The following L3MBTL4 variants were observed in gnomAD, a reference collection of about 807,000 sequenced individuals.
L3MBTL4 encodes L3MBTL histone methyl-lysine binding protein 4.
In L3MBTL4, 70 loss-of-function variants were observed where a neutral mutation model predicts 84.5. The observed-to-expected ratio is 0.83, with a 90% CI of 0.68 to 1.01. L3MBTL4 has a LOEUF of 1.01. L3MBTL4 is among the 50% of genes least tolerant of loss of function. The probability of loss-of-function intolerance (pLI) is 0.00; values close to 1 mark genes in which losing one functional copy is unlikely to be tolerated. For missense variants in L3MBTL4, 715 were observed against 754.8 expected (o/e 0.95, Z 0.62); for synonymous variants, 274 against 259.8 (o/e 1.05, Z -0.52).
At chr18:6,029,601 A>G in intron 16 of L3MBTL4, 1 of 985,386 alleles carries the variant, frequency 1.0e-6, no homozygotes, top group Non-Finnish European at 1.2e-6. Flanking sequence ...AAACTTCGTA[A>G]GAAGGACGCA....
chr18:6,207,357 C>T (rs887772614), intron 12 of L3MBTL4, among the ~76,000 whole-genome samples: 1 of 152,216 alleles, frequency 6.6e-6, no homozygotes, highest in African/African-American at 2.4e-5. Flanking sequence ...CACTTATAAG[C>T]TGTGCAACCT....
intron 16 of L3MBTL4, among the ~76,000 whole-genome samples, chr18:6,025,572 TA>T (rs2055463033): frequency 6.6e-6 from 1 of 152,222 alleles, no homozygotes; most frequent in Admixed American, 6.5e-5. Flanking sequence ...TATTGCTGAT[TA>T]GTTTCAGGAC....
chr18:6,376,834 T>G (rs2054390070), intron 1 of L3MBTL4, among the ~76,000 whole-genome samples: 1 of 152,218 alleles, frequency 6.6e-6, no homozygotes, highest in African/African-American at 2.4e-5. Context: ...GCTAATAGCT[T>G]ATCATATCTG....
chr18:6,209,707 G>C (rs1323031329), intron 12 of L3MBTL4, among the ~76,000 whole-genome samples: 1 of 152,050 alleles, frequency 6.6e-6, no homozygotes, highest in Admixed American at 6.6e-5. Flanking sequence ...GTTTATCCCA[G>C]CAATAATCAA....
intron 15 of L3MBTL4, among the ~76,000 whole-genome samples, chr18:6,091,540 C>A (rs9950842): frequency 0.038 from 5,764 of 152,252 alleles, 354 homozygotes; most frequent in African/African-American, 0.13. Flanking sequence ...CTAACATTCT[C>A]GACTCCTTCT....
At position 5,980,247 on chromosome 18, in the gene L3MBTL4, T is replaced by C. The variant is rs118147127; in HGVS notation, c.1445-10685A>G. On this transcript the variant is annotated intron_variant, in intron 16 of 18. Coordinates refer to ENST00000317931, the MANE Select transcript of L3MBTL4 (RefSeq NM_001330559.2). ...GTGCTCCCTGCACCCTGCAGACAGC[T>C]CTTCCTGCTTCTCAGCAGAAACTCT... Among the ~76,000 whole-genome samples, 78 of 152,292 alleles carry C rather than the reference T, an allele frequency of 5.1e-4. 1 individual carries two copies. In the East Asian group the frequency reaches 0.015, roughly 29 times the overall value.
intron 14 of L3MBTL4, among the ~76,000 whole-genome samples, chr18:6,106,366 A>G (rs572094852): frequency 1.2e-4 from 19 of 152,358 alleles, no homozygotes; most frequent in Admixed American, 2.0e-4. Context: ...GTGGTTGTAT[A>G]TGGAGAAGAA....
chr18:6,307,578 C>G (rs985433814), intron 3 of L3MBTL4, among the ~76,000 whole-genome samples: 2 of 152,148 alleles, frequency 1.3e-5, no homozygotes, highest in African/African-American at 4.8e-5. Context: ...ACTCAAGCTC[C>G]CGATGACTCT....
chr18:6,284,669 C>A (rs1451119107), intron 4 of L3MBTL4, among the ~76,000 whole-genome samples: 1 of 151,150 alleles, frequency 6.6e-6, no homozygotes, highest in Admixed American at 6.6e-5. Flanking sequence ...TTCTTCAGGG[C>A]AGTATCCTAT....
rs77389208 is a variant in L3MBTL4 at position 6,321,271 on chromosome 18, T to A, written c.-90-9215A>T. 2.7e-3 allele frequency among the ~76,000 whole-genome samples: 414 copies of A among 152,194 alleles called. 2 individuals are homozygous for A. The highest frequency in any genetic ancestry group is 8.3e-3 in the Admixed American group (127 of 15,278). On this transcript the variant is annotated intron_variant, in intron 1 of 18. Coordinates refer to ENST00000317931, the MANE Select transcript of L3MBTL4 (RefSeq NM_001330559.2). ...AAAAGCTTCTGTACAGCAAAAGGCA[T>A]AATCATCAGAATAAACAGACAACCC...
chr18:6,159,056 G>C (rs1275249630), intron 13 of L3MBTL4, among the ~76,000 whole-genome samples: 1 of 152,126 alleles, frequency 6.6e-6, no homozygotes, highest in Non-Finnish European at 1.5e-5. Context: ...ATGATGTGAA[G>C]TCACTGCAGG....
At chr18:5,957,667 A>T (rs1021506678) in intron 18 of L3MBTL4, among the ~76,000 whole-genome samples, 4 of 151,982 alleles carry the variant, frequency 2.6e-5, no homozygotes, top group Non-Finnish European at 5.9e-5. Flanking sequence ...TTAATAATAC[A>T]AACCCCAGCC....
At chr18:6,220,805 C>G (rs1286024286) in intron 10 of L3MBTL4, among the ~76,000 whole-genome samples, 1 of 152,120 alleles carries the variant, frequency 6.6e-6, no homozygotes, top group Non-Finnish European at 1.5e-5. Flanking sequence ...GATAGAGATA[C>G]AAGCCAAAAT....
At chr18:6,148,321 T>G (rs1446950506) in intron 13 of L3MBTL4, among the ~76,000 whole-genome samples, 1 of 152,250 alleles carries the variant, frequency 6.6e-6, no homozygotes, top group Admixed American at 6.5e-5. Flanking sequence ...ATTGTTTTAT[T>G]ACTCAGTTTT....
chr18:6,263,185 C>T (rs2048481633), intron 5 of L3MBTL4, among the ~76,000 whole-genome samples: 1 of 150,896 alleles, frequency 6.6e-6, no homozygotes, highest in South Asian at 2.1e-4. Context: ...AGGAGAATCG[C>T]TTGAACCAGG....
chr18:6,051,309 T>A (rs1003451367), intron 16 of L3MBTL4, among the ~76,000 whole-genome samples: 2 of 152,102 alleles, frequency 1.3e-5, no homozygotes, highest in African/African-American at 4.8e-5. Flanking sequence ...GAGGCTGTGG[T>A]GGATGGATCA....
At position 5,954,945 on chromosome 18, in the gene L3MBTL4, A is replaced by C. The variant is rs1317146297; in HGVS notation, c.*1275T>G. 1 of 152,200 alleles carries C rather than the reference A, an allele frequency of 6.6e-6. No homozygotes were observed. Among genetic ancestry groups the C allele is most frequent in the Non-Finnish European group, 1.5e-5 (1 of 68,028 alleles). The allele number at this position is 152,200 out of a possible 1,614,324, so 9.4% of individuals were successfully genotyped here. A position where few individuals can be genotyped will look rare whatever the true frequency, so the allele number is the denominator to read the frequency against. On this transcript the variant is annotated 3_prime_UTR_variant, in exon 19 of 19. Transcript: ENST00000317931. ...TTTGTTTATTTTCTTCAGTGAAAAA[A>C]AAATGTAAAGCTTGAGAAATTCTCC... is the stretch of plus-strand genomic sequence containing the variant.
intron 1 of L3MBTL4, among the ~76,000 whole-genome samples, chr18:6,344,030 G>T (rs1363597906): frequency 6.8e-6 from 1 of 146,306 alleles, no homozygotes; most frequent in Admixed American, 6.8e-5. Flanking sequence ...CCAAACGGCA[G>T]AAGGAAGGAA....
At chr18:6,318,416 T>C (rs1388142747) in intron 1 of L3MBTL4, among the ~76,000 whole-genome samples, 1 of 143,032 alleles carries the variant, frequency 7.0e-6, no homozygotes, top group Admixed American at 7.4e-5. Flanking sequence ...AAAAAGATAT[T>C]CCACACAAAT....
Sources: allele counts gnomAD v4.1 joint callset (sites outside exome capture counted in the v4.1 genomes callset), GRCh38; gene constraint gnomAD v4.1.1; transcripts MANE v1.5; gene names NCBI Gene and HGNC (gene_info 2026-07-23, HGNC 2026-07-21).